MGAT4C: variants seen among roughly 807,000 people sequenced by gnomAD.
MGAT4C encodes MGAT4 family member C.
MGAT4C carries 19 observed loss-of-function variants against 40.1 expected under a neutral mutation model. The observed-to-expected ratio is 0.47, with a 90% CI of 0.33 to 0.70. The LOEUF is 0.70. Among genes scored for constraint, MGAT4C ranks in the 30% least tolerant of loss-of-function variants. The probability of loss-of-function intolerance (pLI) is 0.02; values close to 1 mark genes in which losing one functional copy is unlikely to be tolerated. For synonymous variants in MGAT4C, 181 were observed against 187.1 expected (o/e 0.97, Z 0.27); for missense variants, 491 against 563.2 (o/e 0.87, Z 1.30).
chr12:85,989,361 C>G, intron 3 of MGAT4C, 39 bp downstream of exon 3: 1 of 1,520,962 alleles, frequency 6.6e-7, no homozygotes, highest in African/African-American at 1.4e-5. Flanking sequence ...TGACTTATGC[C>G]TTATTTTGAA....
At chr12:85,983,922 C>G (rs1283449037) in intron 3 of MGAT4C, among the ~76,000 whole-genome samples, 1 of 152,068 alleles carries the variant, frequency 6.6e-6, no homozygotes, top group Admixed American at 6.6e-5. Flanking sequence ...TTCTATAGGA[C>G]ACATTAATAA....
At chr12:86,398,292 C>A (rs937326751) in intron 3 of MGAT4C, among the ~76,000 whole-genome samples, 3 of 152,154 alleles carry the variant, frequency 2.0e-5, no homozygotes, top group Non-Finnish European at 2.9e-5. Context: ...GTAGCCACAT[C>A]ACTTCAATCT....
chr12:86,711,185 T>TA (rs976846156), intron 2 of MGAT4C, among the ~76,000 whole-genome samples: 1 of 151,928 alleles, frequency 6.6e-6, no homozygotes, highest in African/African-American at 2.4e-5. Context: ...AAATTTGAAA[T>TA]AAAAATATAA....
At chr12:86,159,849 G>A (rs184637431) in intron 1 of MGAT4C, among the ~76,000 whole-genome samples, 1 of 151,966 alleles carries the variant, frequency 6.6e-6, no homozygotes, top group East Asian at 1.9e-4. Flanking sequence ...GTATATTTGG[G>A]TTCTGAGGAT....
chr12:86,736,987 T>A (rs1191241262), intron 1 of MGAT4C, among the ~76,000 whole-genome samples: 17 of 148,056 alleles, frequency 1.1e-4, no homozygotes, highest in African/African-American at 4.2e-4. Flanking sequence ...ATCATATCCA[T>A]CAACATCAAG....
chr12:86,241,894 T>C (rs1951804029), intron 1 of MGAT4C, among the ~76,000 whole-genome samples: 2 of 152,152 alleles, frequency 1.3e-5, no homozygotes, highest in African/African-American at 4.8e-5. Context: ...CCACTCTTCC[T>C]GAGCCTTGCC....
chr12:86,767,574 T>C (rs1951537118), intron 1 of MGAT4C, among the ~76,000 whole-genome samples: 1 of 152,102 alleles, frequency 6.6e-6, no homozygotes, highest in Non-Finnish European at 1.5e-5. Context: ...AAAAGAGAAT[T>C]TGAGACCAAT....
intron 1 of MGAT4C, among the ~76,000 whole-genome samples, chr12:86,127,634 T>G (rs1205786676): frequency 1.3e-5 from 2 of 152,182 alleles, no homozygotes; most frequent in African/African-American, 2.4e-5. Context: ...TTATGCAGCT[T>G]TACAAAAATA....
chr12:86,807,339 A>G (rs1156803859), intron 1 of MGAT4C, among the ~76,000 whole-genome samples: 1 of 151,850 alleles, frequency 6.6e-6, no homozygotes, highest in African/African-American at 2.4e-5. Context: ...ATGTGTTCTC[A>G]TTGTTTAGCT....
At chr12:86,006,896 C>T (rs974011078) in intron 2 of MGAT4C, among the ~76,000 whole-genome samples, 1 of 152,162 alleles carries the variant, frequency 6.6e-6, no homozygotes, top group Non-Finnish European at 1.5e-5. Flanking sequence ...AGCCCAATCT[C>T]TGTCCCCTAC....
At chr12:86,567,583 C>T (rs1448815128) in intron 2 of MGAT4C, among the ~76,000 whole-genome samples, 2 of 152,066 alleles carry the variant, frequency 1.3e-5, no homozygotes, top group Non-Finnish European at 2.9e-5. Flanking sequence ...ATTACAACAG[C>T]CCACTCCAGG....
intron 2 of MGAT4C, among the ~76,000 whole-genome samples, chr12:86,544,923 C>T (rs562992860): frequency 6.6e-6 from 1 of 152,082 alleles, no homozygotes; most frequent in Non-Finnish European, 1.5e-5. Context: ...TTATGTTCAC[C>T]ATGCAACTCT....
At chr12:86,566,549 T>A (rs1319625637) in intron 2 of MGAT4C, among the ~76,000 whole-genome samples, 1 of 109,268 alleles carries the variant, frequency 9.2e-6, no homozygotes, top group Non-Finnish European at 1.7e-5. Context: ...TATATATATA[T>A]ATATATATAT....
intron 1 of MGAT4C, among the ~76,000 whole-genome samples, chr12:86,254,547 C>T (rs781709962): frequency 5.3e-5 from 8 of 151,926 alleles, no homozygotes; most frequent in Non-Finnish European, 1.0e-4. Flanking sequence ...AGTTTAATCA[C>T]CTGTGAAAAT....
intron 1 of MGAT4C, among the ~76,000 whole-genome samples, chr12:86,820,020 A>T (rs1952678910): frequency 6.6e-6 from 1 of 150,834 alleles, no homozygotes; most frequent in Non-Finnish European, 1.5e-5. Context: ...GCTATAGATA[A>T]TTCTGAGGAA....
chr12:86,696,218 A>G (rs1181720722), intron 2 of MGAT4C, among the ~76,000 whole-genome samples: 1 of 152,084 alleles, frequency 6.6e-6, no homozygotes, highest in Non-Finnish European at 1.5e-5. Context: ...GACTCAGAAA[A>G]AAAAAAAGTA....
rs1479752789 is a variant in MGAT4C at position 86,793,525 on chromosome 12, G to A, written c.-262+45141C>T. ...AACATTTTTACTAAAACTAGGAATA[G>A]TGCCAGATAAAACCTAGATGATTTT... On this transcript the variant is annotated intron_variant, in intron 1 of 7. Coordinates refer to the MGAT4C transcript ENST00000548651. Among the ~76,000 whole-genome samples the A allele has an allele frequency of 3.9e-5, 6 of 151,910 alleles. 1 individual carries two copies. Among genetic ancestry groups the A allele is most frequent in the Admixed American group, 3.9e-4 (6 of 15,238 alleles).
chr12:86,030,361 C>T (rs1890630723), intron 2 of MGAT4C, among the ~76,000 whole-genome samples: 1 of 151,714 alleles, frequency 6.6e-6, no homozygotes. Flanking sequence ...GAAATCTTCA[C>T]TTTATAGCCT....
chr12:86,251,031 A>G (rs1952250601), intron 1 of MGAT4C, among the ~76,000 whole-genome samples: 1 of 152,030 alleles, frequency 6.6e-6, no homozygotes, highest in Non-Finnish European at 1.5e-5. Context: ...GGCAATAGTA[A>G]TTGAACATTT....
Sources: allele counts gnomAD v4.1 joint callset (sites outside exome capture counted in the v4.1 genomes callset), GRCh38; gene constraint gnomAD v4.1.1; transcripts MANE v1.5; gene names NCBI Gene and HGNC (gene_info 2026-07-23, HGNC 2026-07-21).